The following AUTS2 variants were observed in gnomAD, a reference collection of about 807,000 sequenced individuals.
AUTS2 encodes activator of transcription and developmental regulator AUTS2.
AUTS2 carries 17 observed loss-of-function variants against 112.4 expected under a neutral mutation model. The ratio of observed to expected loss-of-function variants is 0.15; its 90% CI spans 0.10 to 0.23. The LOEUF is 0.23. Ranked by LOEUF, AUTS2 falls within the 10% of genes least tolerant of loss-of-function variation. The pLI is 1.00. For synonymous variants in AUTS2, 751 were observed against 702.7 expected (o/e 1.07, Z -1.09); for missense variants, 1,510 against 1,701.6 (o/e 0.89, Z 1.98).
At chr7:69,698,511 G>T (rs1285566690) in intron 1 of AUTS2, among the ~76,000 whole-genome samples, 4 of 152,116 alleles carry the variant, frequency 2.6e-5, no homozygotes, top group African/African-American at 9.7e-5. Context: ...TTATCTGTGA[G>T]CCTGGGGGTT....
At chr7:70,255,739 G>C (rs1786832930) in intron 4 of AUTS2, among the ~76,000 whole-genome samples, 1 of 152,060 alleles carries the variant, frequency 6.6e-6, no homozygotes, top group Non-Finnish European at 1.5e-5. Flanking sequence ...CTTATAGAAA[G>C]AGATAGAACT....
chr7:70,746,444 C>T (rs1788460073), intron 6 of AUTS2, among the ~76,000 whole-genome samples: 1 of 152,052 alleles, frequency 6.6e-6, no homozygotes, highest in South Asian at 2.1e-4. Flanking sequence ...CCACACCTGG[C>T]GTAGGATTAA....
intron 4 of AUTS2, among the ~76,000 whole-genome samples, chr7:70,301,233 C>T (rs1228486109): frequency 6.6e-6 from 1 of 152,190 alleles, no homozygotes; most frequent in Non-Finnish European, 1.5e-5. Context: ...TGTGTCTCTG[C>T]TCACAATAAT....
intron 1 of AUTS2, among the ~76,000 whole-genome samples, chr7:69,773,855 C>T (rs1363709364): frequency 6.6e-6 from 1 of 152,228 alleles, no homozygotes; most frequent in Non-Finnish European, 1.5e-5. Flanking sequence ...CAGCTCTCCT[C>T]CCTGGTGGCA....
intron 1 of AUTS2, among the ~76,000 whole-genome samples, chr7:69,677,254 A>G (rs74758564): frequency 0.034 from 5,208 of 152,246 alleles, 125 homozygotes; most frequent in Middle Eastern, 0.082. Flanking sequence ...TGAGCTGCCC[A>G]TCACTCTACC....
At chr7:69,980,876 G>A (rs1178743381) in intron 2 of AUTS2, among the ~76,000 whole-genome samples, 1 of 152,152 alleles carries the variant, frequency 6.6e-6, no homozygotes, top group Admixed American at 6.5e-5. Context: ...ATATTGATTT[G>A]TGTTCCAATT....
intron 2 of AUTS2, among the ~76,000 whole-genome samples, chr7:69,941,579 ATTT>A (rs56227016): frequency 5.0e-5 from 7 of 139,118 alleles, no homozygotes; most frequent in Admixed American, 7.1e-5. Flanking sequence ...GACCTTCTAG[ATTT>A]TTTTTTTTTT....
chr7:70,609,066 A>G (rs1803933414), intron 5 of AUTS2, among the ~76,000 whole-genome samples: 1 of 152,210 alleles, frequency 6.6e-6, no homozygotes, highest in Non-Finnish European at 1.5e-5. Flanking sequence ...ATGACCTTAC[A>G]TACTTGTTTT....
rs199639932 is a variant in AUTS2, at chr7:70,581,659, C to CT, written c.691-116910_691-116909insT. On this transcript the variant is annotated intron_variant, in intron 5 of 18. Coordinates refer to ENST00000342771, the MANE Select transcript of AUTS2 (RefSeq NM_015570.4). ...ACCACAGTACTCTCACCCACCTGACCCCTTCTCCCTATCCAACCTTAGCCT... is the reference window on the plus strand; with the variant it reads ...ACCACAGTACTCTCACCCACCTGACCTCCTTCTCCCTATCCAACCTTAGCCT... 8.3e-3 allele frequency among the ~76,000 whole-genome samples: 1,262 copies of CT among 152,290 alleles called. 14 individuals carry two copies. The highest frequency in any genetic ancestry group is 0.029 in the African/African-American group (1,201 of 41,566).
At chr7:70,226,742 A>G (rs928840915) in intron 4 of AUTS2, among the ~76,000 whole-genome samples, 3 of 152,154 alleles carry the variant, frequency 2.0e-5, no homozygotes, top group Non-Finnish European at 4.4e-5. Flanking sequence ...TGTTATATGC[A>G]GTATATCATT....
chr7:70,431,027 C>T (rs12698904), intron 4 of AUTS2, among the ~76,000 whole-genome samples: 23,004 of 151,652 alleles, frequency 0.15, 1,974 homozygotes, highest in Non-Finnish European at 0.18. Flanking sequence ...TTAGTAGAGA[C>T]GGGGTTTCAC....
In AUTS2 at chr7:70,775,581, C is replaced by CTT. The variant is rs3215360; in HGVS notation, c.1932+205_1932+206dup. Among the ~76,000 whole-genome samples, 764 of 147,660 alleles carry CTT rather than the reference C, an allele frequency of 5.2e-3. 7 individuals carry two copies. The highest frequency in any genetic ancestry group is 0.016 in the African/African-American group (631 of 40,490). ...TGCTTTGACCGTTGGAGGCCATTGG[C>CTT]TTTTTTTTTTTATCTCTACAACAGA... On this transcript the variant is annotated intron_variant, in intron 13 of 18. Transcript: ENST00000342771.
chr7:70,211,273 T>A (rs1190796490), intron 4 of AUTS2, among the ~76,000 whole-genome samples: 1 of 152,072 alleles, frequency 6.6e-6, no homozygotes, highest in Non-Finnish European at 1.5e-5. Flanking sequence ...TTTCTTTCTG[T>A]CTTCTTACTG....
In AUTS2 at chr7:70,582,264, C is replaced by A. The variant is rs527986976; in HGVS notation, c.691-116305C>A. 2.2e-3 allele frequency among the ~76,000 whole-genome samples: 337 copies of A among 152,208 alleles called. 1 individual carries two copies. Among genetic ancestry groups the A allele is most frequent in the Non-Finnish European group, 3.9e-3 (268 of 68,006 alleles). ...CACAGGCTGTCTTCTCAGCCCTTTT[C>A]AGACCCGCACTCTTTCCTCCATCCA... On this transcript the variant is annotated intron_variant, in intron 5 of 18. Transcript: ENST00000342771.
chr7:70,083,475 A>T (rs984940829), intron 2 of AUTS2, among the ~76,000 whole-genome samples: 3 of 152,210 alleles, frequency 2.0e-5, no homozygotes, highest in Non-Finnish European at 4.4e-5. Context: ...ATGCACACAC[A>T]CACTAAAATA....
At chr7:70,654,288 T>C (rs192724661) in intron 5 of AUTS2, among the ~76,000 whole-genome samples, 1 of 152,312 alleles carries the variant, frequency 6.6e-6, no homozygotes, top group Admixed American at 6.5e-5. Context: ...AGTAAATATT[T>C]GAGGGCTTTT....
intron 6 of AUTS2, among the ~76,000 whole-genome samples, chr7:70,753,938 C>T (rs1016131628): frequency 1.3e-5 from 2 of 151,914 alleles, no homozygotes; most frequent in Non-Finnish European, 1.5e-5. Flanking sequence ...GGGTGGATCA[C>T]GAGGTCAGGA....
chr7:70,053,556 T>TTTTTTTTTTTTTTTTG, intron 2 of AUTS2, among the ~76,000 whole-genome samples: 1 of 150,660 alleles, frequency 6.6e-6, no homozygotes, highest in African/African-American at 2.5e-5. Context: ...TTTTTTTTTT[T>TTTTTTTTTTTTTTTTG]GGAGACAGGA....
chr7:70,261,948 T>C (rs1489902673), intron 4 of AUTS2, among the ~76,000 whole-genome samples: 1 of 152,220 alleles, frequency 6.6e-6, no homozygotes, highest in African/African-American at 2.4e-5. Flanking sequence ...TTCAACTGTT[T>C]TTTCACTAAA....
Sources: allele counts gnomAD v4.1 joint callset (sites outside exome capture counted in the v4.1 genomes callset), GRCh38; gene constraint gnomAD v4.1.1; transcripts MANE v1.5; gene names NCBI Gene and HGNC (gene_info 2026-07-23, HGNC 2026-07-21).